The following CDH12 variants were observed in gnomAD, a reference collection of about 807,000 sequenced individuals.
CDH12 encodes cadherin 12.
Under a neutral mutation model 74.1 loss-of-function variants are expected in CDH12, and 41 were observed. That is an observed-to-expected ratio of 0.55 (90% CI 0.43 to 0.72). The LOEUF (loss-of-function observed/expected upper bound fraction) is 0.72, where lower values mean the gene tolerates loss of function less well. CDH12 is among the 30% of genes least tolerant of loss of function. The pLI is 0.00. For missense variants in CDH12, 945 were observed against 977.2 expected, an observed-to-expected ratio of 0.97 and a Z score of 0.44; for synonymous variants, 399 against 355.0, an observed-to-expected ratio of 1.12 and a Z score of -1.39.
At chr5:22,131,434 G>A (rs907915527) in intron 4 of CDH12, among the ~76,000 whole-genome samples, 1 of 152,110 alleles carries the variant, frequency 6.6e-6, no homozygotes, top group East Asian at 1.9e-4. Context: ...GGATAAGATA[G>A]ATTGATTTTA....
At chr5:22,534,218 GTA>G (rs1737722834) in intron 1 of CDH12, among the ~76,000 whole-genome samples, 1 of 150,786 alleles carries the variant, frequency 6.6e-6, no homozygotes, top group African/African-American at 2.4e-5. Flanking sequence ...TTTTATTTCC[GTA>G]GGTTATTGGG....
At chr5:22,685,231 C>A (rs1741702217) in intron 1 of CDH12, among the ~76,000 whole-genome samples, 1 of 152,006 alleles carries the variant, frequency 6.6e-6, no homozygotes, top group Admixed American at 6.6e-5. Flanking sequence ...TCACCTCAAC[C>A]CATATTCATA....
chr5:22,349,424 T>G (rs950079545), intron 3 of CDH12, among the ~76,000 whole-genome samples: 5 of 152,224 alleles, frequency 3.3e-5, no homozygotes, highest in African/African-American at 1.2e-4. Context: ...ATATGTCTTA[T>G]GCAGATTTCA....
chr5:22,371,358 A>G (rs1054990605), intron 3 of CDH12, among the ~76,000 whole-genome samples: 3 of 152,178 alleles, frequency 2.0e-5, no homozygotes, highest in African/African-American at 7.2e-5. Flanking sequence ...AAATTACATT[A>G]ATCTTAACAC....
chr5:22,786,735 T>C (rs1250409194), intron 1 of CDH12, among the ~76,000 whole-genome samples: 2 of 152,038 alleles, frequency 1.3e-5, no homozygotes, highest in Non-Finnish European at 2.9e-5. Flanking sequence ...TTTTTCTTTT[T>C]GAGATGGTGT....
chr5:22,822,387 C>G (rs1749750781), intron 1 of CDH12, among the ~76,000 whole-genome samples: 1 of 151,972 alleles, frequency 6.6e-6, no homozygotes, highest in South Asian at 2.1e-4. Context: ...CAAATGGGAT[C>G]TAATTAAACT....
At chr5:22,041,964 A>G (rs1249268960) in intron 5 of CDH12, among the ~76,000 whole-genome samples, 1 of 152,224 alleles carries the variant, frequency 6.6e-6, no homozygotes, top group East Asian at 1.9e-4. Flanking sequence ...ATTATTTCTG[A>G]CCACAATGGT....
chr5:22,685,515 C>T (rs904094051), intron 1 of CDH12, among the ~76,000 whole-genome samples: 6 of 152,304 alleles, frequency 3.9e-5, no homozygotes, highest in East Asian at 1.9e-4. Flanking sequence ...GGATTACAGG[C>T]GTGAGTCACT....
In CDH12 at chr5:22,244,513, AAAAAAAAAAAAAAAAAAAAAG is replaced by A. The variant is rs1214707043; in HGVS notation, c.-332-31891_-332-31871del. 3.9e-4 allele frequency among the ~76,000 whole-genome samples: 13 copies of A among 33,748 alleles called. 1 individual carries two copies. Among genetic ancestry groups the A allele is most frequent in the Admixed American group, 1.0e-3 (3 of 2,862 alleles). The allele number at this position is 33,748 out of a possible 152,430, so 22.1% of individuals were successfully genotyped here. On this transcript the variant is annotated intron_variant, in intron 3 of 14. Transcript: ENST00000382254. ...CTGCCTCAAAAAAAAAAAAAAAAAA[AAAAAAAAAAAAAAAAAAAAAG>A]AAGAAGAAGAAGAAGAAGAAGAAAG...
chr5:22,589,170 C>A (rs1407160553), intron 1 of CDH12, among the ~76,000 whole-genome samples: 3 of 152,018 alleles, frequency 2.0e-5, no homozygotes, highest in South Asian at 2.1e-4. Flanking sequence ...TTGATGATCA[C>A]TTCTGTTATT....
At chr5:22,589,406 C>A (rs147908932) in intron 1 of CDH12, among the ~76,000 whole-genome samples, 12 of 152,274 alleles carry the variant, frequency 7.9e-5, no homozygotes, top group Middle Eastern at 3.4e-3. Context: ...TGTAATCCAT[C>A]AAGATTTTGA....
chr5:22,486,271 T>A (rs1012322939), intron 2 of CDH12, among the ~76,000 whole-genome samples: 43 of 152,258 alleles, frequency 2.8e-4, no homozygotes, highest in Middle Eastern at 3.4e-3. Context: ...CAGAACATTG[T>A]GGTCCTAGAT....
chr5:22,655,156 A>G (rs1293748341), intron 1 of CDH12, among the ~76,000 whole-genome samples: 1 of 152,198 alleles, frequency 6.6e-6, no homozygotes, highest in Non-Finnish European at 1.5e-5. Flanking sequence ...ATTTTAACTC[A>G]TAAATACATC....
At chr5:21,755,338 A>T (rs1367375629) in intron 14 of CDH12, among the ~76,000 whole-genome samples, 1 of 152,190 alleles carries the variant, frequency 6.6e-6, no homozygotes, top group African/African-American at 2.4e-5. Flanking sequence ...GGTCTTGAAC[A>T]TATTTTTGGT....
At chr5:22,451,909 C>A (rs1745058926) in intron 2 of CDH12, among the ~76,000 whole-genome samples, 1 of 151,746 alleles carries the variant, frequency 6.6e-6, no homozygotes, top group African/African-American at 2.4e-5. Context: ...ATATAAAAAT[C>A]AATAGAATTT....
intron 1 of CDH12, among the ~76,000 whole-genome samples, chr5:22,713,132 C>CTTTT (rs70959753): frequency 3.3e-5 from 2 of 61,208 alleles, no homozygotes; most frequent in Non-Finnish European, 5.7e-5. Context: ...TATGCTAATT[C>CTTTT]TTTTTTTTTT....
chr5:22,611,763 A>G (rs374329186), intron 1 of CDH12, among the ~76,000 whole-genome samples: 19 of 152,084 alleles, frequency 1.2e-4, no homozygotes, highest in East Asian at 3.9e-4. Context: ...CCCAGAATCT[A>G]ATTGGAAACT....
intron 3 of CDH12, among the ~76,000 whole-genome samples, chr5:22,250,942 T>C (rs1318833562): frequency 6.6e-6 from 1 of 152,200 alleles, no homozygotes; most frequent in Non-Finnish European, 1.5e-5. Flanking sequence ...AAGATAAATG[T>C]TCCAGAAAGG....
chr5:22,208,004 T>C (rs1398932738), intron 4 of CDH12, among the ~76,000 whole-genome samples: 9 of 152,148 alleles, frequency 5.9e-5, no homozygotes, highest in Non-Finnish European at 1.3e-4. Context: ...ATAGGATAGG[T>C]ACTGTGATTG....
Sources: gnomAD v4.1 joint callset for allele counts (sites outside exome capture counted in the v4.1 genomes callset) on GRCh38, gnomAD v4.1.1 for gene constraint, MANE v1.5 for transcripts, NCBI Gene and HGNC (gene_info 2026-07-23, HGNC 2026-07-21) for gene names.